Variants in GRIN2A observed in about 807,000 individuals in gnomAD.
GRIN2A encodes the protein glutamate receptor ionotropic, NMDA 2A.
Under a neutral mutation model 113.4 loss-of-function variants are expected in GRIN2A, and 22 were observed. The observed-to-expected ratio is 0.19, with a 90% CI of 0.14 to 0.28. The LOEUF (loss-of-function observed/expected upper bound fraction) is 0.28. Among genes scored for constraint, GRIN2A ranks in the 10% least tolerant of loss-of-function variants. The pLI, the probability that GRIN2A is intolerant of heterozygous loss-of-function variation, is 1.00. For synonymous variants in GRIN2A, 827 were observed against 738.4 expected, an observed-to-expected ratio of 1.12 and a Z score of -1.94; for missense variants, 1,502 against 1,887.0, an observed-to-expected ratio of 0.80 and a Z score of 3.78.
chr16:10,095,743 G>A (rs2048276727), intron 2 of GRIN2A, among the ~76,000 whole-genome samples: 2 of 152,152 alleles, frequency 1.3e-5, no homozygotes, highest in Non-Finnish European at 2.9e-5. Flanking sequence ...CAACTTTACA[G>A]TAGAGACTGC....
At chr16:9,793,829 A>ATGTGTATATATACACGTGTGATATAAATT (rs1902782580) in intron 11 of GRIN2A, among the ~76,000 whole-genome samples, 1 of 152,184 alleles carries the variant, frequency 6.6e-6, no homozygotes, top group Non-Finnish European at 1.5e-5. Flanking sequence ...ATGTCTACAT[A>ATGTGTATATATACACGTGTGATATAAATT]TGTGTATATA....
chr16:9,900,816 A>C (rs1166531143), intron 3 of GRIN2A, among the ~76,000 whole-genome samples: 2 of 152,194 alleles, frequency 1.3e-5, no homozygotes, highest in East Asian at 3.9e-4. Context: ...AACCACTTTG[A>C]ACCAGCTGGC....
intron 4 of GRIN2A, among the ~76,000 whole-genome samples, chr16:9,874,640 C>T (rs1214636636): frequency 6.6e-6 from 1 of 152,220 alleles, no homozygotes; most frequent in East Asian, 1.9e-4. Flanking sequence ...ATGGACTTTG[C>T]AGTCTAGCAG....
chr16:9,961,605 C>T (rs2045444342), intron 2 of GRIN2A, among the ~76,000 whole-genome samples: 1 of 152,132 alleles, frequency 6.6e-6, no homozygotes, highest in South Asian at 2.1e-4. Flanking sequence ...TAGAAATGTT[C>T]TATATCTTTG....
chr16:10,013,672 C>A (rs563343192), intron 2 of GRIN2A, among the ~76,000 whole-genome samples: 1 of 152,320 alleles, frequency 6.6e-6, no homozygotes, highest in Non-Finnish European at 1.5e-5. Context: ...CAACCAGCAT[C>A]CTCCTGGGTC....
chr16:10,157,704 C>G (rs1412972714), intron 2 of GRIN2A, among the ~76,000 whole-genome samples: 1 of 152,120 alleles, frequency 6.6e-6, no homozygotes, highest in Non-Finnish European at 1.5e-5. Context: ...GGGAAACAGC[C>G]CCCACGATCA....
chr16:10,137,393 G>A (rs1567325795), intron 2 of GRIN2A, among the ~76,000 whole-genome samples: 1 of 152,178 alleles, frequency 6.6e-6, no homozygotes, highest in African/African-American at 2.4e-5. Flanking sequence ...ATGCTGACAG[G>A]TGTTCCTATT....
chr16:9,928,107 G>A (rs539729071), intron 3 of GRIN2A, among the ~76,000 whole-genome samples: 1 of 152,324 alleles, frequency 6.6e-6, no homozygotes, highest in African/African-American at 2.4e-5. Context: ...GCTGGACCGT[G>A]ACTCCTCCAT....
rs908670251 is a variant in GRIN2A, at chr16:9,917,848, C to T, written c.1007+20111G>A. ...CCGCCTAGAGATTGCTCCTTCTGCA[C>T]TCTCTTAATGAGACTGTCGTTGTAC... On this transcript the variant is annotated intron_variant, in intron 3 of 12. Coordinates refer to ENST00000330684, the MANE Select transcript of GRIN2A (RefSeq NM_001134407.3). Among the ~76,000 whole-genome samples, 7 of 152,328 alleles carry T rather than the reference C, an allele frequency of 4.6e-5. No homozygotes were observed. In the South Asian group the frequency reaches 1.2e-3, roughly 27 times the overall value.
intron 4 of GRIN2A, among the ~76,000 whole-genome samples, chr16:9,884,632 TC>T (rs1286927422): frequency 6.6e-6 from 1 of 152,078 alleles, no homozygotes; most frequent in East Asian, 1.9e-4. Flanking sequence ...GCATTTTTTT[TC>T]AGGTAGAATA....
At chr16:9,826,115 C>G (rs2042383324) in intron 9 of GRIN2A, among the ~76,000 whole-genome samples, 1 of 152,056 alleles carries the variant, frequency 6.6e-6, no homozygotes, top group African/African-American at 2.4e-5. Context: ...TCTAATCCTC[C>G]TATCAACCTT....
Position 9,888,011 on chromosome 16 carries a change from G to A in GRIN2A, c.1122+2975C>T, listed in dbSNP as rs554807185. On this transcript the variant is annotated intron_variant, in intron 4 of 12. Coordinates refer to ENST00000330684, the MANE Select transcript of GRIN2A (RefSeq NM_001134407.3). The stretch of plus-strand genomic sequence containing the variant: ...GCTGGAGTGCAGTAGCTCAATCTTG[G>A]CTCACCGGAACCTCCACCTCCCGGA... Among the ~76,000 whole-genome samples, 4 of 152,312 alleles carry A rather than the reference G, an allele frequency of 2.6e-5. No individual in the cohort carries two copies. In the East Asian group the frequency reaches 5.8e-4, roughly 22 times the overall value.
chr16:10,105,674 A>C (rs1421258798), intron 2 of GRIN2A, among the ~76,000 whole-genome samples: 3 of 152,050 alleles, frequency 2.0e-5, no homozygotes, highest in Admixed American at 2.0e-4. Flanking sequence ...GGCTGAGTTG[A>C]GGTGGGCAGA....
At chr16:10,037,316 C>G (rs759949253) in intron 2 of GRIN2A, 3 of 152,174 alleles carry the variant, frequency 2.0e-5, no homozygotes, top group Non-Finnish European at 2.9e-5. Flanking sequence ...TTCCATTGCA[C>G]TGCATTAACT....
At chr16:10,161,518 C>T (rs1349648065) in intron 2 of GRIN2A, among the ~76,000 whole-genome samples, 2 of 152,228 alleles carry the variant, frequency 1.3e-5, no homozygotes, top group African/African-American at 2.4e-5. Context: ...GAACCAAAAT[C>T]TGCATGAATT....
At chr16:9,783,888 A>G (rs1486825084) in intron 11 of GRIN2A, among the ~76,000 whole-genome samples, 3 of 152,186 alleles carry the variant, frequency 2.0e-5, no homozygotes, top group African/African-American at 7.2e-5. Context: ...CAAATACCCC[A>G]TGTTCTCACT....
At chr16:9,817,941 G>A (rs2042215208) in intron 10 of GRIN2A, among the ~76,000 whole-genome samples, 1 of 152,092 alleles carries the variant, frequency 6.6e-6, no homozygotes, top group Non-Finnish European at 1.5e-5. Context: ...CAATTCGGGA[G>A]CAGATGAGGT....
chr16:9,902,486 A>G (rs149186023), intron 3 of GRIN2A, among the ~76,000 whole-genome samples: 2 of 152,370 alleles, frequency 1.3e-5, no homozygotes, highest in African/African-American at 4.8e-5. Flanking sequence ...TTTGCACAAG[A>G]AAGAATTCAA....
chr16:10,056,068 A>G (rs932607595), intron 2 of GRIN2A, among the ~76,000 whole-genome samples: 6 of 152,242 alleles, frequency 3.9e-5, no homozygotes, highest in Non-Finnish European at 8.8e-5. Context: ...AGCTGGTAGC[A>G]GTCATTCCAG....
Sources: gnomAD v4.1 joint callset for allele counts (sites outside exome capture counted in the v4.1 genomes callset) on GRCh38, gnomAD v4.1.1 for gene constraint, MANE v1.5 for transcripts, NCBI Gene and HGNC (gene_info 2026-07-23, HGNC 2026-07-21) for gene names.